ANXA8: variants seen among roughly 807,000 people sequenced by gnomAD.
The protein encoded by ANXA8 is annexin A8.
Under a neutral mutation model 26.8 loss-of-function variants are expected in ANXA8, and 9 were observed. The observed-to-expected ratio is 0.34, with a 90% confidence interval of 0.20 to 0.59. The LOEUF (loss-of-function observed/expected upper bound fraction) is 0.59. Ranked by LOEUF, ANXA8 falls within the 20% of genes least tolerant of loss-of-function variation. The probability of loss-of-function intolerance (pLI) is 0.84; values close to 1 mark genes in which losing one functional copy is unlikely to be tolerated. For missense variants in ANXA8, 83 were observed against 238.5 expected, an observed-to-expected ratio of 0.35 and a Z score of 4.29; for synonymous variants, 39 against 94.8, an observed-to-expected ratio of 0.41 and a Z score of 3.42.
the ANXA8 span, among the ~76,000 whole-genome samples, chr10:47,691,402 C>T: frequency 7.0e-6 from 1 of 142,492 alleles, no homozygotes; most frequent in Non-Finnish European, 1.5e-5. Flanking sequence ...ATTGTCCACT[C>T]TCCTGCCCAT....
the ANXA8 span, among the ~76,000 whole-genome samples, chr10:47,658,098 C>T: frequency 5.3e-5 from 8 of 151,866 alleles, no homozygotes; most frequent in South Asian, 4.1e-4. Context: ...GGCCGGGTGC[C>T]GGTGGCTCAC....
the ANXA8 span, among the ~76,000 whole-genome samples, chr10:47,942,113 G>A: frequency 6.8e-6 from 1 of 147,164 alleles, no homozygotes; most frequent in Non-Finnish European, 1.5e-5. Context: ...CAACACCCCT[G>A]GAGGGAAATA....
chr10:47,636,778 G>C, the ANXA8 span, among the ~76,000 whole-genome samples: 1 of 152,154 alleles, frequency 6.6e-6, no homozygotes, highest in African/African-American at 2.4e-5. Context: ...TTCAAGTTAT[G>C]ATCATATCCT....
the ANXA8 span, among the ~76,000 whole-genome samples, chr10:47,772,681 T>C: frequency 6.6e-6 from 1 of 151,706 alleles, no homozygotes; most frequent in Admixed American, 6.6e-5. Flanking sequence ...GAATCCAGTG[T>C]CGAATGATTC....
At chr10:47,987,102 A>G in the ANXA8 span, 1 of 432,164 alleles carries the variant, frequency 2.3e-6, no homozygotes, top group East Asian at 3.5e-5. Context: ...AGGTTTTCCC[A>G]GGGGACAAGT....
chr10:47,559,585 T>C, the ANXA8 span, among the ~76,000 whole-genome samples: 1 of 151,940 alleles, frequency 6.6e-6, no homozygotes, highest in African/African-American at 2.4e-5. Flanking sequence ...GAGATTGTTT[T>C]GTCTCAAGTA....
the ANXA8 span, among the ~76,000 whole-genome samples, chr10:47,756,549 C>T: frequency 7.0e-6 from 1 of 142,304 alleles, no homozygotes; most frequent in African/African-American, 2.6e-5. Context: ...GCCCCCAGGC[C>T]CCCTGGGGCC....
the ANXA8 span, among the ~76,000 whole-genome samples, chr10:47,656,583 T>G: frequency 5.1e-4 from 71 of 138,900 alleles, no homozygotes; most frequent in East Asian, 0.014. Flanking sequence ...TAATTCACAA[T>G]GAACCTCAAC....
chr10:47,741,049 C>G, the ANXA8 span, among the ~76,000 whole-genome samples: 1 of 148,044 alleles, frequency 6.8e-6, no homozygotes, highest in African/African-American at 2.5e-5. Flanking sequence ...ATTCTAGAGG[C>G]TGTAAAGTGG....
At chr10:47,611,855 C>A in the ANXA8 span, among the ~76,000 whole-genome samples, 2 of 72,686 alleles carry the variant, frequency 2.8e-5, no homozygotes, top group African/African-American at 8.0e-5. Flanking sequence ...ACTGACTCAC[C>A]CAAACCAGAT....
the ANXA8 span, among the ~76,000 whole-genome samples, chr10:47,733,211 TTCTTTCTTTCTCTTTCTTTCTCTC>T: frequency 1.2e-5 from 1 of 82,316 alleles, no homozygotes; most frequent in African/African-American, 4.4e-5. Context: ...CTTTCTTTCT[TTCTTTCTTTCTCTTTCTTTCTCTC>T]TTTCTTTCTT....
At chr10:47,629,922 CCAAAGATCTGGATGATTGAATT>C in the ANXA8 span, among the ~76,000 whole-genome samples, 1 of 4,902 alleles carries the variant, frequency 2.0e-4, no homozygotes, top group East Asian at 2.9e-3. Flanking sequence ...TTAGGACAAC[CCAAAGATCTGGATGATTGAATT>C]GTCATTTGGG....
intron 3 of ANXA8, chr10:47,477,976 C>CA: frequency 9.4e-6 from 1 of 106,382 alleles, no homozygotes; most frequent in Non-Finnish European, 2.0e-5. Flanking sequence ...CCCCAAATGT[C>CA]AGGCTTTGTC....
At chr10:47,673,968 T>TA in the ANXA8 span, among the ~76,000 whole-genome samples, 1 of 151,044 alleles carries the variant, frequency 6.6e-6, no homozygotes, top group Non-Finnish European at 1.5e-5. Flanking sequence ...GGCATTTTCT[T>TA]AGACTTGAGC....
At chr10:47,630,846 G>C in the ANXA8 span, among the ~76,000 whole-genome samples, 2 of 148,546 alleles carry the variant, frequency 1.3e-5, no homozygotes, top group Non-Finnish European at 3.0e-5. Context: ...GGAAGTTTAA[G>C]AGGACAATTC....
chr10:47,561,694 C>T, the ANXA8 span, among the ~76,000 whole-genome samples: 1 of 151,700 alleles, frequency 6.6e-6, no homozygotes, highest in Non-Finnish European at 1.5e-5. Flanking sequence ...TATTTGAGTG[C>T]CTAATGTATG....
At chr10:47,744,282 G>A in the ANXA8 span, among the ~76,000 whole-genome samples, 1 of 149,922 alleles carries the variant, frequency 6.7e-6, no homozygotes, top group Non-Finnish European at 1.5e-5. Flanking sequence ...GATAATGACA[G>A]TATTTTTAGA....
chr10:47,644,453 ATGAG>A, the ANXA8 span, among the ~76,000 whole-genome samples: 29 of 152,150 alleles, frequency 1.9e-4, no homozygotes, highest in African/African-American at 6.0e-4. Flanking sequence ...ACGCAAATGA[ATGAG>A]TGTGTCCATG....
the ANXA8 span, among the ~76,000 whole-genome samples, chr10:47,521,888 C>T: frequency 6.7e-6 from 1 of 149,764 alleles, no homozygotes; most frequent in African/African-American, 2.5e-5. Context: ...CCAAGCAATT[C>T]TCCCGCCTCA....
Sources: allele counts gnomAD v4.1 joint callset (sites outside exome capture counted in the v4.1 genomes callset), GRCh38; gene constraint gnomAD v4.1.1; transcripts MANE v1.5; gene names NCBI Gene and HGNC (gene_info 2026-07-23, HGNC 2026-07-21).